STK3: variants seen among roughly 807,000 people sequenced by gnomAD.
The protein encoded by STK3 is serine/threonine kinase 3.
A neutral mutation model predicts 58.0 loss-of-function variants in STK3; 41 were observed. The observed-to-expected ratio is 0.71, with a 90% CI of 0.55 to 0.92. The LOEUF is 0.92. Among genes scored for constraint, STK3 ranks in the 40% least tolerant of loss-of-function variants. The probability of loss-of-function intolerance (pLI) is 0.00; values close to 1 mark genes in which losing one functional copy is unlikely to be tolerated. For missense variants in STK3, 479 were observed against 602.7 expected (o/e 0.79, Z 2.15); for synonymous variants, 170 against 191.0 (o/e 0.89, Z 0.91).
intron 3 of STK3, among the ~76,000 whole-genome samples, chr8:98,760,526 A>G (rs933083783): frequency 1.3e-5 from 2 of 152,152 alleles, no homozygotes; most frequent in Non-Finnish European, 2.9e-5. Flanking sequence ...AAAGGAAATT[A>G]CAGACTACAC....
chr8:98,824,027 T>A (rs1456545612), intron 1 of STK3, among the ~76,000 whole-genome samples: 1 of 152,216 alleles, frequency 6.6e-6, no homozygotes, highest in African/African-American at 2.4e-5. Flanking sequence ...GATTAATGCC[T>A]ATAATCCAAT....
At chr8:98,753,570 T>A (rs1277406008) in intron 3 of STK3, among the ~76,000 whole-genome samples, 1 of 152,080 alleles carries the variant, frequency 6.6e-6, no homozygotes. Flanking sequence ...CAAACCCCCA[T>A]GACACAAGTT....
chr8:98,430,188 G>A (rs988613858), intron 3 of STK3: 1 of 166,998 alleles, frequency 6.0e-6, no homozygotes, highest in Non-Finnish European at 1.5e-5. Flanking sequence ...CAAACCCTAG[G>A]GTGCTTAAAG....
intron 6 of STK3, among the ~76,000 whole-genome samples, chr8:98,611,054 A>T (rs2130200921): frequency 6.6e-6 from 1 of 152,290 alleles, no homozygotes; most frequent in South Asian, 2.1e-4. Context: ...AAAGGCCTAT[A>T]AACTCAAACT....
chr8:98,747,918 T>C (rs1196846252), intron 4 of STK3, among the ~76,000 whole-genome samples: 1 of 152,198 alleles, frequency 6.6e-6, no homozygotes. Context: ...TATGAATGGA[T>C]AAAATCTTTC....
At chr8:98,815,531 A>G (rs1459911590) in intron 1 of STK3, among the ~76,000 whole-genome samples, 1 of 152,224 alleles carries the variant, frequency 6.6e-6, no homozygotes, top group Non-Finnish European at 1.5e-5. Flanking sequence ...CAAGGAAACT[A>G]TCAAAAACCA....
At chr8:98,657,258 ATCAT>A (rs1732764734) in intron 6 of STK3, among the ~76,000 whole-genome samples, 1 of 152,076 alleles carries the variant, frequency 6.6e-6, no homozygotes, top group Admixed American at 6.6e-5. Context: ...CACACATCAA[ATCAT>A]TCAATCACAA....
At chr8:98,851,767 C>T (rs1168557114) in intron 3 of STK3, among the ~76,000 whole-genome samples, 1 of 152,132 alleles carries the variant, frequency 6.6e-6, no homozygotes, top group Non-Finnish European at 1.5e-5. Flanking sequence ...TTGAGACCAG[C>T]CTAGTCCACA....
chr8:98,552,628 C>T lies in STK3; in HGVS notation c.949-4467G>A, dbSNP rs534707426. Among the ~76,000 whole-genome samples the T allele has an allele frequency of 1.1e-4, 17 of 152,158 alleles. 1 individual carries two copies. The highest frequency in any genetic ancestry group is 2.6e-4 in the African/African-American group (11 of 41,528). ...GGTATCTATTTAGCTGTGACCTCTT[C>T]GGTGAAGCTTTTTCTGACCACCAAT... On this transcript the variant is annotated intron_variant, in intron 8 of 10. Transcript: ENST00000419617.
intron 3 of STK3, among the ~76,000 whole-genome samples, chr8:98,761,822 T>TTTA (rs1563973618): frequency 4.6e-5 from 7 of 151,918 alleles, no homozygotes; most frequent in African/African-American, 1.2e-4. Context: ...ACTTTTGATT[T>TTTA]TTTATTTATT....
At position 98,723,610 on chromosome 8, in the gene STK3, C is replaced by T. The variant is rs73277816; in HGVS notation, c.352-16299G>A. Among the ~76,000 whole-genome samples, 974 of 152,114 alleles carry T rather than the reference C, an allele frequency of 6.4e-3. 6 individuals carry two copies. The highest frequency in any genetic ancestry group is 0.024 in the Middle Eastern group (7 of 294). ...AATTTTAATTTTCTAATAAGTCTTT[C>T]GCAATGTTAGCTAAACACCTTTTGG... On this transcript the variant is annotated intron_variant, in intron 4 of 10. Coordinates refer to ENST00000419617, the MANE Select transcript of STK3 (RefSeq NM_006281.4).
chr8:98,531,974 T>C (rs951710173), intron 9 of STK3, among the ~76,000 whole-genome samples: 1 of 152,228 alleles, frequency 6.6e-6, no homozygotes, highest in Non-Finnish European at 1.5e-5. Context: ...TTGTGACTGG[T>C]TTAATCTTCT....
At chr8:98,915,246 A>G (rs1839298669) in intron 1 of STK3, among the ~76,000 whole-genome samples, 1 of 151,790 alleles carries the variant, frequency 6.6e-6, no homozygotes, top group Non-Finnish European at 1.5e-5. Context: ...ACTAGAACAT[A>G]AAAAGAGAGA....
chr8:98,532,904 G>A (rs999577444), intron 9 of STK3, among the ~76,000 whole-genome samples: 4 of 151,812 alleles, frequency 2.6e-5, no homozygotes, highest in East Asian at 3.9e-4. Flanking sequence ...TTACTACTCT[G>A]GATATGTCAT....
At chr8:98,529,973 T>C (rs1826047999) in intron 9 of STK3, among the ~76,000 whole-genome samples, 1 of 152,168 alleles carries the variant, frequency 6.6e-6, no homozygotes, top group South Asian at 2.1e-4. Context: ...CACAACTTTA[T>C]GGAAGTGCTT....
At chr8:98,353,961 T>A in the STK3 span, among the ~76,000 whole-genome samples, 43 of 152,016 alleles carry the variant, frequency 2.8e-4, no homozygotes, top group African/African-American at 6.3e-4. Context: ...TATATTTTTT[T>A]AAAAAAAAGA....
downstream of STK3, among the ~76,000 whole-genome samples, chr8:98,369,675 T>C (rs1390348339): frequency 6.6e-6 from 1 of 152,108 alleles, no homozygotes; most frequent in Non-Finnish European, 1.5e-5. Flanking sequence ...ATTCTAGACA[T>C]GTTAGAGCAG....
chr8:98,846,448 G>A (rs193057789), intron 3 of STK3, among the ~76,000 whole-genome samples: 1 of 152,238 alleles, frequency 6.6e-6, no homozygotes, highest in East Asian at 1.9e-4. Flanking sequence ...CATTTATTAA[G>A]CAACTACTAT....
chr8:98,579,707 T>C lies in STK3; in HGVS notation c.905A>G (p.His302Arg), dbSNP rs1217960466. 7 of 1,610,762 alleles carry C rather than the reference T, an allele frequency of 4.3e-6. No individual in the cohort carries two copies. The highest frequency in any genetic ancestry group is 1.7e-4 in the Middle Eastern group (1 of 6,046). The stretch of plus-strand genomic sequence containing the variant: ...TTCCAATTCTCGTTGCTGTTCCTCA[T>C]GTCTTTTAGCTTTGATCTCCATAGC... Reference protein sequence around the residue: ...TEAMEIKAKRHEEQQRELEEE... With the variant: ...TEAMEIKAKRREEQQRELEEE... The change falls in exon 8 of 11, where the codon CAT becomes CGT. Residue 302 changes from histidine (H) to arginine (R), a missense_variant. By Grantham distance (29) the His-to-Arg change is conservative. Coordinates refer to ENST00000419617, the MANE Select transcript of STK3 (RefSeq NM_006281.4).
Sources: allele counts gnomAD v4.1 joint callset (sites outside exome capture counted in the v4.1 genomes callset), GRCh38; gene constraint gnomAD v4.1.1; transcripts MANE v1.5; gene names NCBI Gene and HGNC (gene_info 2026-07-23, HGNC 2026-07-21).